GRAMD1B: variants seen among roughly 807,000 people sequenced by gnomAD.
The protein encoded by GRAMD1B is GRAM domain containing 1B.
In GRAMD1B, 37 loss-of-function variants were observed where a neutral mutation model predicts 99.7. The ratio of observed to expected loss-of-function variants is 0.37; its 90% CI spans 0.29 to 0.49. The LOEUF is 0.49. Ranked by LOEUF, GRAMD1B falls within the 20% of genes least tolerant of loss-of-function variation. The probability of loss-of-function intolerance (pLI) is 0.98; values close to 1 mark genes in which losing one functional copy is unlikely to be tolerated. For synonymous variants in GRAMD1B, 427 were observed against 387.6 expected, an observed-to-expected ratio of 1.10 and a Z score of -1.19; for missense variants, 888 against 1,009.2, an observed-to-expected ratio of 0.88 and a Z score of 1.63.
At chr11:123,433,147 C>CG (rs893492075) in intron 1 of GRAMD1B, among the ~76,000 whole-genome samples, 9 of 151,236 alleles carry the variant, frequency 6.0e-5, no homozygotes, top group Admixed American at 5.3e-4. Flanking sequence ...TGAGGTGAGG[C>CG]GGGAGGGTCA....
chr11:123,595,305 G>A (rs1951141142), intron 6 of GRAMD1B, among the ~76,000 whole-genome samples: 1 of 148,654 alleles, frequency 6.7e-6, no homozygotes, highest in African/African-American at 2.5e-5. Flanking sequence ...TTTTTAAACA[G>A]AGTTTCACTC....
Position 123,457,117 on chromosome 11 carries a change from A to AGAAAGAAAGAAAGAAAG in GRAMD1B, c.375-23699_375-23698insGAAAGAAAGAAAGAAAG. On this transcript the variant is annotated intron_variant, in intron 1 of 19. Coordinates refer to ENST00000635736, the MANE Select transcript of GRAMD1B (RefSeq NM_001387025.1). ...ACAGAGAGAGACCCTTTCTGAGAAA[A>AGAAAGAAAGAAAGAAAG]AAAGAAAGAAAGAAAGAAAGAATTA... 1.0e-3 allele frequency among the ~76,000 whole-genome samples: 102 copies of AGAAAGAAAGAAAGAAAG among 99,330 alleles called. 14 individuals are homozygous for AGAAAGAAAGAAAGAAAG. Among genetic ancestry groups the AGAAAGAAAGAAAGAAAG allele is most frequent in the East Asian group, 2.2e-3 (6 of 2,688 alleles). 65.2% of individuals were successfully genotyped at this position (99,330 alleles called of 152,430 possible). A position where few individuals can be genotyped will look rare whatever the true frequency, so the allele number is the denominator to read the frequency against.
At chr11:123,504,269 C>A (rs150534063) in intron 2 of GRAMD1B, among the ~76,000 whole-genome samples, 38 of 152,304 alleles carry the variant, frequency 2.5e-4, no homozygotes, top group Non-Finnish European at 5.1e-4. Flanking sequence ...AAGCAAGACG[C>A]CATGGGAGGC....
Position 123,624,964 on chromosome 11 carries a change from G to A in GRAMD1B, c.*2369G>A, listed in dbSNP as rs1292699580. 1.3e-5 allele frequency: 2 copies of A among 152,094 alleles called. No individual in the cohort carries two copies. Among genetic ancestry groups the A allele is most frequent in the Non-Finnish European group, 2.9e-5 (2 of 68,026 alleles). The allele number at this position is 152,094 out of a possible 1,614,324, so 9.4% of individuals were successfully genotyped here. On this transcript the variant is annotated 3_prime_UTR_variant, in exon 20 of 20. Coordinates refer to ENST00000635736, the MANE Select transcript of GRAMD1B (RefSeq NM_001387025.1). ...AGAAGAGCCCTCCTGGTTTTTTAGCGATTTGAACCCACTAGACAATGTGTG... is the reference window on the plus strand; with the variant it reads ...AGAAGAGCCCTCCTGGTTTTTTAGCAATTTGAACCCACTAGACAATGTGTG...
chr11:123,406,547 G>T (rs1234231260), intron 1 of GRAMD1B, among the ~76,000 whole-genome samples: 1 of 152,170 alleles, frequency 6.6e-6, no homozygotes, highest in South Asian at 2.1e-4. Context: ...CCACTCTGCC[G>T]GGCCCATTGT....
Position 123,610,103 on chromosome 11 carries a change from G to A in GRAMD1B, c.1777-93G>A. On this transcript the variant is annotated intron_variant, in intron 13 of 19. Coordinates refer to ENST00000635736, the MANE Select transcript of GRAMD1B (RefSeq NM_001387025.1). This position sits in a 1 kb window ranked among gnomAD's most constrained non-coding sequence, Gnocchi z 4.1. The stretch of plus-strand genomic sequence containing the variant: ...CCTGGTTCTCCTGTTCAGAAGCCGT[G>A]GGGTGGGGTGGGCTTGGGGAGGCTG... The A allele has an allele frequency of 5.9e-6, 7 of 1,180,484 alleles. No homozygotes were observed. Among genetic ancestry groups the A allele is most frequent in the Non-Finnish European group, 7.4e-6 (6 of 810,860 alleles). The allele number at this position is 1,180,484 out of a possible 1,614,324, so 73.1% of individuals were successfully genotyped here.
At chr11:123,396,886 G>T (rs1037177678) in intron 1 of GRAMD1B, among the ~76,000 whole-genome samples, 1 of 152,168 alleles carries the variant, frequency 6.6e-6, no homozygotes. Flanking sequence ...AATATTTTGT[G>T]TGAGCAAGAT....
chr11:123,576,090 T>C (rs140970284), intron 2 of GRAMD1B, among the ~76,000 whole-genome samples: 1 of 152,334 alleles, frequency 6.6e-6, no homozygotes, highest in Non-Finnish European at 1.5e-5. Context: ...TTGGGATTTG[T>C]TGCCTTTCTC....
At chr11:123,579,713 C>T (rs1949126950) in intron 3 of GRAMD1B, among the ~76,000 whole-genome samples, 1 of 152,160 alleles carries the variant, frequency 6.6e-6, no homozygotes, top group Non-Finnish European at 1.5e-5. Context: ...CCTGCTCCTG[C>T]ACACTTTTCC....
chr11:123,395,522 C>T (rs984256832), intron 1 of GRAMD1B, among the ~76,000 whole-genome samples: 1 of 152,188 alleles, frequency 6.6e-6, no homozygotes, highest in Non-Finnish European at 1.5e-5. Flanking sequence ...TGTTTACCTT[C>T]CTCACCAAAA....
intron 1 of GRAMD1B, among the ~76,000 whole-genome samples, chr11:123,455,324 C>T (rs1185063410): frequency 1.3e-5 from 2 of 151,848 alleles, no homozygotes; most frequent in Non-Finnish European, 2.9e-5. Context: ...CTATGTTGTC[C>T]TAGCAACATA....
chr11:123,427,501 C>G (rs981692752), upstream of GRAMD1B, among the ~76,000 whole-genome samples: 1 of 152,142 alleles, frequency 6.6e-6, no homozygotes, highest in African/African-American at 2.4e-5. Context: ...AAACTTGATT[C>G]TTTTCTCAAG....
intron 1 of GRAMD1B, among the ~76,000 whole-genome samples, chr11:123,360,973 T>C (rs1294568240): frequency 6.6e-6 from 1 of 151,942 alleles, no homozygotes; most frequent in East Asian, 1.9e-4. Context: ...CCCACCACCA[T>C]GCTCAGCTAA....
chr11:123,572,994 A>G (rs1396210474), intron 2 of GRAMD1B, among the ~76,000 whole-genome samples: 1 of 147,532 alleles, frequency 6.8e-6, no homozygotes, highest in Non-Finnish European at 1.5e-5. Flanking sequence ...AGGCGCAGAT[A>G]GGCCCCGATG....
rs116552729 is a variant in GRAMD1B at position 123,555,215 on chromosome 11, G to T, written c.453-22152G>T. ...CAGCTGAGGGGCAATACATGGATAC[G>T]TAGCCTGAGTAGGAACAACGGAACT... On this transcript the variant is annotated intron_variant, in intron 2 of 19. Coordinates refer to ENST00000635736, the MANE Select transcript of GRAMD1B (RefSeq NM_001387025.1). 2.7e-3 allele frequency among the ~76,000 whole-genome samples: 413 copies of T among 152,330 alleles called. 2 individuals are homozygous for T. The highest frequency in any genetic ancestry group is 9.7e-3 in the African/African-American group (402 of 41,570).
chr11:123,594,314 G>A (rs907648453), intron 5 of GRAMD1B, 148 bp downstream of exon 5: 2 of 656,214 alleles, frequency 3.0e-6, no homozygotes, highest in East Asian at 2.7e-5. Context: ...GGCCCCAGCT[G>A]TCAGGGCTCG....
chr11:123,367,014 A>G (rs909140702), intron 1 of GRAMD1B, among the ~76,000 whole-genome samples: 7 of 152,264 alleles, frequency 4.6e-5, no homozygotes, highest in African/African-American at 7.2e-5. Flanking sequence ...GACCACCCTG[A>G]GCAACATAGT....
chr11:123,608,430 T>C, intron 11 of GRAMD1B: 1 of 1,327,910 alleles, frequency 7.5e-7, no homozygotes, highest in Non-Finnish European at 1.0e-6. Context: ...AAAGAAGGAA[T>C]GGGTAGTGTC....
chr11:123,497,126 C>T (rs940129939), intron 2 of GRAMD1B, among the ~76,000 whole-genome samples: 25 of 152,152 alleles, frequency 1.6e-4, no homozygotes, highest in Non-Finnish European at 2.9e-4. Context: ...TATTTGAAGG[C>T]ATTTGGCCCC....
Sources: allele counts gnomAD v4.1 joint callset (sites outside exome capture counted in the v4.1 genomes callset), GRCh38; gene constraint gnomAD v4.1.1; non-coding constraint Gnocchi (gnomAD v3.1); transcripts MANE v1.5; gene names NCBI Gene and HGNC (gene_info 2026-07-23, HGNC 2026-07-21).